The following TRPM5 variants were observed in gnomAD, a reference collection of about 807,000 sequenced individuals.
TRPM5 encodes the protein transient receptor potential cation channel subfamily M member 5.
Under a neutral mutation model 124.9 loss-of-function variants are expected in TRPM5, and 121 were observed. The observed-to-expected ratio is 0.97, with a 90% confidence interval of 0.84 to 1.13. The LOEUF (loss-of-function observed/expected upper bound fraction) is 1.13. Among genes scored for constraint, TRPM5 ranks in the 50% most tolerant of loss-of-function variants. TRPM5 has a pLI of 0.00. For synonymous variants in TRPM5, 781 were observed against 700.5 expected (o/e 1.11, Z -1.81); for missense variants, 1,643 against 1,589.1 (o/e 1.03, Z -0.58).
chr11:2,427,081 G>A (rs898933760), upstream of TRPM5, among the ~76,000 whole-genome samples: 8 of 152,212 alleles, frequency 5.3e-5, no homozygotes, highest in African/African-American at 1.7e-4. Context: ...CCAGCACTGG[G>A]CAGCCCCTTC....
chr11:2,429,840 G>A, the TRPM5 span, among the ~76,000 whole-genome samples: 1 of 152,096 alleles, frequency 6.6e-6, no homozygotes, highest in East Asian at 1.9e-4. This position sits in a 1 kb window ranked among gnomAD's most constrained non-coding sequence, Gnocchi z 8.4. Flanking sequence ...GGACCAGGTG[G>A]AGGTAATCGG....
exon 8 of TRPM5, chr11:2,415,978 G>C (rs746751066): frequency 3.2e-6 from 5 of 1,585,610 alleles, no homozygotes; most frequent in Non-Finnish European, 3.4e-6. Flanking sequence ...CGGCCAGCTT[G>C]AGCTCATCCA....
At chr11:2,432,199 C>T in the TRPM5 span, among the ~76,000 whole-genome samples, 13 of 152,248 alleles carry the variant, frequency 8.5e-5, no homozygotes, top group African/African-American at 3.1e-4. Context: ...TGCGTCCATG[C>T]GTGCTGTCAT....
Position 2,413,229 on chromosome 11 carries a change from G to A in TRPM5, c.2004-3C>T. 1 of 1,545,382 alleles carries A rather than the reference G, an allele frequency of 6.5e-7. No homozygotes were observed. Among genetic ancestry groups the A allele is most frequent in the African/African-American group, 1.4e-5 (1 of 72,994 alleles). On this transcript the variant is annotated splice_region_variant and splice_polypyrimidine_tract_variant and intron_variant, in intron 13 of 23. Coordinates refer to ENST00000155858, the Ensembl canonical transcript of TRPM5. ...CTGTCCTCAGGGGAGCTTCCTCACT[G>A]CGAGCACAGGAGAGCTCAGGGCCCG...
At chr11:2,423,723 C>T (rs961829762), upstream of TRPM5, among the ~76,000 whole-genome samples, 2 of 152,204 alleles carry the variant, frequency 1.3e-5, no homozygotes, top group African/African-American at 2.4e-5. Flanking sequence ...GCGCCTCAGC[C>T]CTATTCCCTC....
intron 13 of TRPM5, 121 bp downstream of exon 18, chr11:2,413,355 C>T: frequency 4.6e-6 from 6 of 1,310,716 alleles, no homozygotes; most frequent in Non-Finnish European, 6.2e-6. Flanking sequence ...CGCAGGGAGG[C>T]TGGACTTGGG....
intron 19 of TRPM5, 21 bp from the exon 25 acceptor site, chr11:2,407,321 C>T (rs753611763): frequency 3.1e-5 from 49 of 1,595,400 alleles, no homozygotes; most frequent in Admixed American, 7.2e-5. Context: ...ACAGCTGAGC[C>T]GTCACCTACC....
exon 20 of TRPM5, chr11:2,407,182 G>A: frequency 6.2e-7 from 1 of 1,611,608 alleles, no homozygotes; most frequent in East Asian, 2.2e-5. Context: ...AGGCTCAGGT[G>A]GCTGAGCAGG....
the TRPM5 span, among the ~76,000 whole-genome samples, chr11:2,428,071 CAG>C: frequency 6.6e-6 from 1 of 152,178 alleles, no homozygotes; most frequent in African/African-American, 2.4e-5. This position sits in a 1 kb window ranked among gnomAD's most constrained non-coding sequence, Gnocchi z 4.0. Flanking sequence ...GCCAGTGGGA[CAG>C]AGTGTGCCTC....
chr11:2,413,323 A>C (rs1850493254), intron 13 of TRPM5, 97 bp from the exon 19 acceptor site: 41 of 1,347,710 alleles, frequency 3.0e-5, no homozygotes, highest in Non-Finnish European at 4.1e-5. Context: ...ACTGGGATGC[A>C]GGGGCTGTGG....
exon 22 of TRPM5, chr11:2,406,064 C>T (rs1430323635): frequency 2.5e-6 from 4 of 1,612,176 alleles, no homozygotes; most frequent in Non-Finnish European, 2.5e-6. Context: ...CTCTCAGACC[C>T]CCGAGGTACT....
chr11:2,438,251 C>T, the TRPM5 span, among the ~76,000 whole-genome samples: 2 of 152,114 alleles, frequency 1.3e-5, no homozygotes, highest in Admixed American at 6.5e-5. This position sits in a 1 kb window ranked among gnomAD's most constrained non-coding sequence, Gnocchi z 5.9. Flanking sequence ...CAAAAGCTGG[C>T]AAAAGCATTC....
At chr11:2,407,321 C>A (rs753611763) in intron 19 of TRPM5, 21 bp from the exon 25 acceptor site, 2 of 1,595,518 alleles carry the variant, frequency 1.3e-6, no homozygotes, top group Admixed American at 3.6e-5. Context: ...ACAGCTGAGC[C>A]GTCACCTACC....
chr11:2,406,921 C>A, intron 20 of TRPM5, 128 bp from the exon 26 acceptor site: 1 of 1,418,300 alleles, frequency 7.1e-7, no homozygotes, highest in Non-Finnish European at 9.4e-7. Flanking sequence ...GGATGGAGGG[C>A]AAGCATGGCC....
chr11:2,411,796 G>C, intron 16 of TRPM5, 29 bp from the exon 22 acceptor site: 1 of 1,610,986 alleles, frequency 6.2e-7, no homozygotes, highest in Non-Finnish European at 8.5e-7. Flanking sequence ...ATGCGGCTGC[G>C]GGGCCCAGAG....
chr11:2,406,151 G>C, intron 21 of TRPM5, 60 bp from the exon 27 acceptor site: 1 of 1,581,910 alleles, frequency 6.3e-7, no homozygotes, highest in South Asian at 1.1e-5. Flanking sequence ...CGTGTGGGGA[G>C]CCTCCCCATC....
At chr11:2,413,089 C>T (rs749973749) in intron 14 of TRPM5, 45 bp downstream of exon 19, 4 of 1,541,164 alleles carry the variant, frequency 2.6e-6, no homozygotes, top group Middle Eastern at 3.4e-4. Flanking sequence ...CTCCCAGCCA[C>T]CACCCGCCAG....
At chr11:2,435,150 G>T in the TRPM5 span, among the ~76,000 whole-genome samples, 1 of 152,064 alleles carries the variant, frequency 6.6e-6, no homozygotes, top group Admixed American at 6.6e-5. This position sits in a 1 kb window ranked among gnomAD's most constrained non-coding sequence, Gnocchi z 4.1. Context: ...TGTGTCAGGG[G>T]GAGACACAGA....
At chr11:2,404,829 G>A (rs982993173) in exon 24 of TRPM5, 4 of 853,300 alleles carry the variant, frequency 4.7e-6, no homozygotes, top group Non-Finnish European at 7.4e-6. Context: ...TCTGCTGGGG[G>A]GCTGGTGCCC....
Sources: allele counts gnomAD v4.1 joint callset (sites outside exome capture counted in the v4.1 genomes callset), GRCh38; gene constraint gnomAD v4.1.1; non-coding constraint Gnocchi (gnomAD v3.1); transcripts MANE v1.5; gene names NCBI Gene and HGNC (gene_info 2026-07-23, HGNC 2026-07-21).